CSTA: variants seen among roughly 807,000 people sequenced by gnomAD.
The protein encoded by CSTA is cystatin A.
A neutral mutation model predicts 9.2 loss-of-function variants in CSTA; 9 were observed. The ratio of observed to expected loss-of-function variants is 0.97; its 90% CI spans 0.59 to 1.70. The LOEUF is 1.70. Among genes scored for constraint, CSTA ranks in the 40% most tolerant of loss-of-function variants. CSTA has a pLI of 0.00. For synonymous variants in CSTA, 36 were observed against 40.6 expected (o/e 0.89, Z 0.43); for missense variants, 118 against 113.1 (o/e 1.04, Z -0.20).
At chr3:122,338,114 T>A (rs2075246069) in intron 2 of CSTA, 1 of 159,302 alleles carries the variant, frequency 6.3e-6, no homozygotes, top group Admixed American at 6.2e-5. Flanking sequence ...TTTTTGCCCT[T>A]CAATTAATAT....
At position 122,340,945 on chromosome 3, in the gene CSTA, T is replaced by G. The variant is rs758012399; in HGVS notation, c.169-494T>G. ...CTCTTGCCATGCCATTAGTCTACAA[T>G]TTTTTTTTTTTTTTAAGACAAACTC... On this transcript the variant is annotated intron_variant, in intron 2 of 2. Coordinates refer to ENST00000264474, the MANE Select transcript of CSTA (RefSeq NM_005213.4). 6.7e-3 allele frequency among the ~76,000 whole-genome samples: 22 copies of G among 3,286 alleles called. No individual in the cohort carries two copies. In the East Asian group the frequency reaches 0.36, roughly 54 times the overall value. The allele number at this position is 3,286 out of a possible 152,430, so 2.2% of individuals were successfully genotyped here.
At chr3:122,331,034 G>C (rs1308828405) in intron 1 of CSTA, among the ~76,000 whole-genome samples, 1 of 150,288 alleles carries the variant, frequency 6.7e-6, no homozygotes, top group East Asian at 1.9e-4. Flanking sequence ...TTTATGAGAA[G>C]GAAAGAAATG....
Position 122,338,631 on chromosome 3 carries a change from G to A in CSTA, c.168+983G>A, listed in dbSNP as rs573048637. ...GAGCTCCTAGTAACGACCAGGTCCC[G>A]GGGAGACACATGTGAAAGAGGACCC... On this transcript the variant is annotated intron_variant, in intron 2 of 2. Transcript: ENST00000264474. Among the ~76,000 whole-genome samples the A allele has an allele frequency of 5.2e-4, 79 of 152,108 alleles. 3 individuals carry two copies. The South Asian group carries it at 0.015, about 30-fold the overall frequency.
chr3:122,337,762 T>C (rs1205721646), intron 2 of CSTA, 114 bp downstream of exon 2: 1 of 827,198 alleles, frequency 1.2e-6, no homozygotes, highest in Non-Finnish European at 2.1e-6. Flanking sequence ...TAAATTAAGA[T>C]GCCCAGCATG....
Position 122,337,579 on chromosome 3 carries a change from G to A in CSTA, c.99G>A (p.Glu33=). 5.6e-6 allele frequency: 9 copies of A among 1,613,040 alleles called. No homozygotes were observed. Among genetic ancestry groups the A allele is most frequent in the Non-Finnish European group, 7.6e-6 (9 of 1,179,146 alleles). ...VKPQLEEKTN[E]TYGKLEAVQY... is the part of the protein sequence containing the mutation. ...CACAGCTTGAAGAAAAAACAAATGAGACTTACGGAAAATTGGAAGCTGTGC... is the reference window on the plus strand; with the variant it reads ...CACAGCTTGAAGAAAAAACAAATGAAACTTACGGAAAATTGGAAGCTGTGC... Residue 33 remains glutamate (E), a synonymous_variant, in exon 2 of 3, where the codon GAG becomes GAA. Coordinates refer to ENST00000264474, the MANE Select transcript of CSTA (RefSeq NM_005213.4).
intron 1 of CSTA, among the ~76,000 whole-genome samples, chr3:122,330,818 G>A (rs1456497727): frequency 6.6e-6 from 1 of 152,044 alleles, no homozygotes; most frequent in Non-Finnish European, 1.5e-5. Flanking sequence ...CTGCCCTTTG[G>A]GAAATTAATA....
chr3:122,341,675 T>C lies in CSTA; in HGVS notation c.*108T>C, dbSNP rs1483080263. 7 of 1,358,982 alleles carry C rather than the reference T, an allele frequency of 5.2e-6. No individual in the cohort carries two copies. The highest frequency in any genetic ancestry group is 1.5e-5 in the African/African-American group (1 of 68,950). The allele number at this position is 1,358,982 out of a possible 1,614,324, so 84.2% of individuals were successfully genotyped here. On this transcript the variant is annotated 3_prime_UTR_variant, in exon 3 of 3. Coordinates refer to ENST00000264474, the MANE Select transcript of CSTA (RefSeq NM_005213.4). Reference sequence around the variant, plus strand: ...AAGCATTCTTTTCCAAAGAAATTATTTCTTCAATTATTTCTCATTTATTGT... The same window carrying C: ...AAGCATTCTTTTCCAAAGAAATTATCTCTTCAATTATTTCTCATTTATTGT...
At chr3:122,332,132 C>T (rs1016832604) in intron 1 of CSTA, among the ~76,000 whole-genome samples, 3 of 152,200 alleles carry the variant, frequency 2.0e-5, no homozygotes, top group African/African-American at 7.2e-5. Flanking sequence ...TGGATGGGTA[C>T]TGGTCTGCAG....
chr3:122,326,019 G>C (rs1182279271), intron 1 of CSTA, among the ~76,000 whole-genome samples: 1 of 151,924 alleles, frequency 6.6e-6, no homozygotes, highest in Admixed American at 6.6e-5. Context: ...TTTTTGTTTT[G>C]TTTTGTTTCA....
intron 1 of CSTA, among the ~76,000 whole-genome samples, chr3:122,333,198 A>T (rs576828146): frequency 6.6e-6 from 1 of 152,308 alleles, no homozygotes; most frequent in African/African-American, 2.4e-5. Flanking sequence ...ATTTGGATAT[A>T]TTTCTAGGAC....
intron 1 of CSTA, among the ~76,000 whole-genome samples, chr3:122,335,778 C>A (rs1369064177): frequency 6.6e-6 from 1 of 151,962 alleles, no homozygotes; most frequent in East Asian, 1.9e-4. Flanking sequence ...ATTACAGACA[C>A]CCACCATTGC....
intron 1 of CSTA, among the ~76,000 whole-genome samples, chr3:122,333,395 C>T (rs1171765909): frequency 6.6e-6 from 1 of 152,024 alleles, no homozygotes; most frequent in Admixed American, 6.6e-5. Flanking sequence ...CCTGTAGTCC[C>T]AGCTACTCAT....
chr3:122,333,624 A>G (rs1251324677), intron 1 of CSTA, among the ~76,000 whole-genome samples: 1 of 149,758 alleles, frequency 6.7e-6, no homozygotes, highest in Non-Finnish European at 1.5e-5. Context: ...AAGGAAAAGG[A>G]AAGGAAAGGA....
intron 1 of CSTA, among the ~76,000 whole-genome samples, chr3:122,329,790 T>C (rs1023513433): frequency 6.6e-6 from 1 of 152,244 alleles, no homozygotes; most frequent in Non-Finnish European, 1.5e-5. Flanking sequence ...TAAGTGCTTT[T>C]TTTATAATCA....
At chr3:122,333,734 G>A (rs56050926) in intron 1 of CSTA, among the ~76,000 whole-genome samples, 91,564 of 144,414 alleles carry the variant, frequency 0.63, 28,590 homozygotes, top group Non-Finnish European at 0.69. Flanking sequence ...AAGAAAGAAA[G>A]AGAAAGAAAG....
chr3:122,341,359 T>C, intron 2 of CSTA, 80 bp from the exon 3 acceptor site: 2 of 1,502,814 alleles, frequency 1.3e-6, no homozygotes, highest in Non-Finnish European at 1.8e-6. Context: ...GAAGTCTTTG[T>C]AGACCTGTGG....
At chr3:122,326,775 C>A (rs2075172686) in intron 1 of CSTA, among the ~76,000 whole-genome samples, 2 of 152,216 alleles carry the variant, frequency 1.3e-5, no homozygotes, top group Admixed American at 1.3e-4. Flanking sequence ...GAATCACCTG[C>A]ACGTCTTGAT....
chr3:122,327,543 A>AC (rs1202646231), intron 1 of CSTA, among the ~76,000 whole-genome samples: 2 of 151,474 alleles, frequency 1.3e-5, no homozygotes, highest in East Asian at 3.9e-4. Flanking sequence ...AAAAAAAAAA[A>AC]AAAAAAAAAG....
chr3:122,333,275 C>T (rs2075214469), intron 1 of CSTA, among the ~76,000 whole-genome samples: 1 of 152,152 alleles, frequency 6.6e-6, no homozygotes, highest in Admixed American at 6.5e-5. Flanking sequence ...CTTTGGGAGA[C>T]CAAGGTGGGT....
Sources: allele counts gnomAD v4.1 joint callset (sites outside exome capture counted in the v4.1 genomes callset), GRCh38; gene constraint gnomAD v4.1.1; transcripts MANE v1.5; gene names NCBI Gene and HGNC (gene_info 2026-07-23, HGNC 2026-07-21).